Variants in URB2 observed in about 807,000 individuals in gnomAD.
URB2 encodes the protein unhealthy ribosome biogenesis protein 2 homolog.
URB2 carries 86 observed loss-of-function variants against 120.9 expected under a neutral mutation model. The observed-to-expected ratio is 0.71, with a 90% CI of 0.60 to 0.85. URB2 has a LOEUF of 0.85. Among genes scored for constraint, URB2 ranks in the 40% least tolerant of loss-of-function variants. The pLI, the probability that URB2 is intolerant of heterozygous loss-of-function variation, is 0.00. For synonymous variants in URB2, 755 were observed against 758.4 expected (o/e 1.00, Z 0.07); for missense variants, 1,765 against 1,836.5 (o/e 0.96, Z 0.71).
chr1:229,653,157 G>A (rs1666321688), intron 8 of URB2, among the ~76,000 whole-genome samples: 2 of 152,094 alleles, frequency 1.3e-5, no homozygotes, highest in Admixed American at 1.3e-4. Context: ...ATTGTCTGTT[G>A]AAATGCTACA....
chr1:229,628,189 T>G (rs1270589348), intron 2 of URB2, among the ~76,000 whole-genome samples: 1 of 144,628 alleles, frequency 6.9e-6, no homozygotes, highest in African/African-American at 2.5e-5. Flanking sequence ...ATAATATATA[T>G]AATATATATG....
chr1:229,628,175 G>GTATATAATA (rs974457245), intron 2 of URB2, among the ~76,000 whole-genome samples: 1 of 84,782 alleles, frequency 1.2e-5, no homozygotes, highest in African/African-American at 4.6e-5. Context: ...TAGTATATAT[G>GTATATAATA]TATATAATAT....
At chr1:229,648,176 G>A (rs1282644546) in intron 7 of URB2, among the ~76,000 whole-genome samples, 4 of 151,368 alleles carry the variant, frequency 2.6e-5, no homozygotes, top group East Asian at 1.9e-4. Flanking sequence ...ATTGCATAAA[G>A]TTACCTTCAG....
At position 229,636,852 on chromosome 1, in the gene URB2, C is replaced by G. The variant is rs560133961; in HGVS notation, c.2239C>G (p.Leu747Val). 51 of 1,611,250 alleles carry G rather than the reference C, an allele frequency of 3.2e-5. No homozygotes were observed. Among genetic ancestry groups the G allele is most frequent in the Admixed American group, 8.3e-5 (5 of 59,892 alleles). The change falls in exon 4 of 10, where the codon CTC (leucine) becomes GTC (valine). Residue 747 changes from leucine (L) to valine (V), a missense_variant. Physicochemically the swap from Leu to Val is conservative, Grantham distance 32. Transcript: ENST00000258243. ...ACACTGGCACTTGATTGTGTCAAAT[C>G]TCACAATTTTAATATCCTATCTGTG... ...VAHWHLIVSN[L>V]TILISYLCPD...
Position 229,635,314 on chromosome 1 carries a change from G to A in URB2, c.701G>A (p.Arg234Lys). 4.3e-6 allele frequency: 7 copies of A among 1,614,214 alleles called. No individual in the cohort carries two copies. The highest frequency in any genetic ancestry group is 5.9e-6 in the Non-Finnish European group (7 of 1,180,018). Residue 234 changes from arginine (R) to lysine (K), a missense_variant, in exon 4 of 10, where the codon AGG becomes AAG. Arg to Lys is a conservative substitution (Grantham distance 26). Transcript: ENST00000258243. ...QLRQVLSRDI[R>K]SQIEAMFRGG... ...AGGCAGGTGCTGAGCCGGGACATCA[G>A]GAGTCAGATTGAGGCCATGTTCCGA...
Position 229,659,249 on chromosome 1 carries a change from C to G in URB2, c.4527C>G (p.Leu1509=). ...DIFKELYNDY[L]KYHKAKHEGE... ...TTAAGGAGCTCTATAATGACTATCT[C>G]AAGTACCACAAGGCCAAACATGAAG... The change falls in exon 10 of 10, where the codon CTC becomes CTG. Residue 1509 remains leucine, a synonymous_variant. Coordinates refer to ENST00000258243, the MANE Select transcript of URB2 (RefSeq NM_014777.4). The G allele has an allele frequency of 1.2e-6, 2 of 1,614,030 alleles. No individual in the cohort carries two copies. Among genetic ancestry groups the G allele is most frequent in the South Asian group, 1.1e-5 (1 of 91,074 alleles).
intron 4 of URB2, among the ~76,000 whole-genome samples, chr1:229,642,132 AG>A (rs1309701248): frequency 1.3e-5 from 2 of 152,170 alleles, no homozygotes; most frequent in African/African-American, 4.8e-5. Flanking sequence ...CACAAATCAC[AG>A]GGTAAAGGTG....
At position 229,637,650 on chromosome 1, in the gene URB2, A is replaced by T; in HGVS notation, c.3037A>T (p.Ile1013Phe). ...CTTAGAGGAGCTAATGCAGATGCTC[A>T]TCCAAATGAAGCTGAGCTTGGTGCT... ...TFLEELMQML[I>F]QMKLSLVLNF... The change falls in exon 4 of 10, where the codon ATC becomes TTC. Residue 1013 changes from isoleucine (I) to phenylalanine (F), a missense_variant. Coordinates refer to ENST00000258243, the MANE Select transcript of URB2 (RefSeq NM_014777.4). 6.2e-7 allele frequency: 1 copy of T among 1,614,266 alleles called. No homozygotes were observed. The highest frequency in any genetic ancestry group is 8.5e-7 in the Non-Finnish European group (1 of 1,180,052).
rs1665786026 is a variant in URB2, at chr1:229,635,693, G to A, written c.1080G>A (p.Val360=). The A allele has an allele frequency of 6.2e-7, 1 of 1,614,038 alleles. No homozygotes were observed. Residue 360 remains valine (V), a synonymous_variant, in exon 4 of 10, where the codon GTG becomes GTA. Coordinates refer to ENST00000258243, the MANE Select transcript of URB2 (RefSeq NM_014777.4). ...ATTGGACCACAGAGCTTTTGGTTGT[G>A]GAACAGCTACTAAACTCAGTGGCCA... ...TSDWTTELLV[V]EQLLNSVANN...
intron 2 of URB2, among the ~76,000 whole-genome samples, chr1:229,630,709 T>C (rs1665635767): frequency 6.6e-6 from 1 of 152,112 alleles, no homozygotes; most frequent in African/African-American, 2.4e-5. Flanking sequence ...AGATGGTAGC[T>C]GGGCACAGTG....
intron 7 of URB2, among the ~76,000 whole-genome samples, chr1:229,649,367 T>C (rs1666219340): frequency 2.0e-5 from 3 of 152,226 alleles, no homozygotes; most frequent in Non-Finnish European, 2.9e-5. Context: ...GATTTGTATG[T>C]AACTGTACAA....
Position 229,635,074 on chromosome 1 carries a change from G to A in URB2, c.461G>A (p.Cys154Tyr), listed in dbSNP as rs1366443269. Reference protein sequence around the residue: ...ELMVALLSQLCWSACRQPEGA... With the variant: ...ELMVALLSQLYWSACRQPEGA... ...ATGGTGGCCTTGCTGAGCCAGCTTT[G>A]CTGGTCGGCCTGCAGGCAGCCCGAA... The change falls in exon 4 of 10, where the codon TGC becomes TAC. Residue 154 changes from cysteine to tyrosine, a missense_variant. Coordinates refer to ENST00000258243, the MANE Select transcript of URB2 (RefSeq NM_014777.4). 3.7e-6 allele frequency: 6 copies of A among 1,614,028 alleles called. No homozygotes were observed. The highest frequency in any genetic ancestry group is 5.1e-6 in the Non-Finnish European group (6 of 1,179,950).
rs1253167764 is a variant in URB2 at position 229,636,388 on chromosome 1, G to T, written c.1775G>T (p.Gly592Val). 4 of 1,614,222 alleles carry T rather than the reference G, an allele frequency of 2.5e-6. 1 individual carries two copies. The South Asian group carries it at 4.4e-5, about 18-fold the overall frequency. The change falls in exon 4 of 10, where the codon GGC becomes GTC. Residue 592 changes from glycine (G) to valine (V), a missense_variant. Gly to Val is a moderately radical substitution (Grantham distance 109, BLOSUM62 -3). Transcript: ENST00000258243. Reference protein sequence around the residue: ...PLLALLPDTPGPEPELWLQKV... With the variant: ...PLLALLPDTPVPEPELWLQKV... The stretch of plus-strand genomic sequence containing the variant: ...CTGGCCCTTCTCCCGGACACCCCAG[G>T]CCCAGAGCCAGAGCTGTGGCTGCAG...
intron 9 of URB2, 26 bp from the exon 10 acceptor site, chr1:229,659,074 T>C: frequency 6.2e-7 from 1 of 1,601,898 alleles, no homozygotes; most frequent in Middle Eastern, 2.3e-4. Flanking sequence ...CCAATTGTTC[T>C]CACAGAGGTT....
Position 229,635,445 on chromosome 1 carries a change from A to G in URB2, c.832A>G (p.Met278Val), listed in dbSNP as rs768224238. 41 of 1,613,542 alleles carry G rather than the reference A, an allele frequency of 2.5e-5. No homozygotes were observed. Among genetic ancestry groups the G allele is most frequent in the Non-Finnish European group, 2.5e-6 (3 of 1,179,760 alleles). The change falls in exon 4 of 10, where the codon ATG becomes GTG. Residue 278 changes from methionine to valine, a missense_variant. Coordinates refer to ENST00000258243, the MANE Select transcript of URB2 (RefSeq NM_014777.4). ...TGAMKNLLAP[M>V]DTVLNRLVDA... ...AGCCATGAAGAACCTTCTGGCTCCCATGGACACCGTGCTTAACAGGCTGGT... is the reference window on the plus strand; with the variant it reads ...AGCCATGAAGAACCTTCTGGCTCCCGTGGACACCGTGCTTAACAGGCTGGT...
At chr1:229,640,279 T>G (rs1054407340) in intron 4 of URB2, among the ~76,000 whole-genome samples, 2 of 152,200 alleles carry the variant, frequency 1.3e-5, no homozygotes, top group African/African-American at 4.8e-5. Context: ...TGGAGGCCCA[T>G]TTAGAGTTTG....
chr1:229,636,191 G>T lies in URB2; in HGVS notation c.1578G>T (p.Leu526Phe), dbSNP rs770566065. The change falls in exon 4 of 10, where the codon TTG (leucine) becomes TTT (phenylalanine). Residue 526 changes from leucine (L) to phenylalanine (F), a missense_variant. Leu to Phe is a conservative substitution (Grantham distance 22, BLOSUM62 0). Transcript: ENST00000258243. ...LVLEKFQSLV[L>F]PYLQSDADMA... ...TGGAGAAGTTCCAGTCTTTAGTCTT[G>T]CCCTATTTGCAGAGTGATGCCGACA... is the stretch of plus-strand genomic sequence containing the variant. 3 of 1,613,924 alleles carry T rather than the reference G, an allele frequency of 1.9e-6. No individual in the cohort carries two copies. The Admixed American group carries it at 5.0e-5, about 27-fold the overall frequency.
intron 2 of URB2, 80 bp from the exon 3 acceptor site, chr1:229,632,189 C>A: frequency 2.6e-3 from 2,522 of 983,032 alleles, no homozygotes; most frequent in East Asian, 8.6e-3. Context: ...TTTGCTTATA[C>A]CTGTAATGTC....
Position 229,659,206 on chromosome 1 carries a change from C to T in URB2, c.4484C>T (p.Pro1495Leu), listed in dbSNP as rs761646981. Residue 1495 changes from proline to leucine, a missense_variant, in exon 10 of 10, where the codon CCG becomes CTG. By Grantham distance (98) the Pro-to-Leu change is moderately conservative. Coordinates refer to ENST00000258243, the MANE Select transcript of URB2 (RefSeq NM_014777.4). ...DVQFLRASLQPGMRDIFKELY... is the reference protein window; with the variant it reads ...DVQFLRASLQLGMRDIFKELY... ...CAGTTCCTGCGGGCCTCGCTGCAGCCGGGAATGAGAGACATCTTTAAGGAG... is the reference window on the plus strand; with the variant it reads ...CAGTTCCTGCGGGCCTCGCTGCAGCTGGGAATGAGAGACATCTTTAAGGAG... 1.3e-5 allele frequency: 21 copies of T among 1,613,754 alleles called. No homozygotes were observed. The highest frequency in any genetic ancestry group is 2.7e-5 in the African/African-American group (2 of 74,868).
Sources: gnomAD v4.1 joint callset for allele counts (sites outside exome capture counted in the v4.1 genomes callset) on GRCh38, gnomAD v4.1.1 for gene constraint, MANE v1.5 for transcripts, NCBI Gene and HGNC (gene_info 2026-07-23, HGNC 2026-07-21) for gene names.